Variants in SERTM2 observed in about 807,000 individuals in gnomAD.
SERTM2 encodes serine rich and transmembrane domain containing 2.
intron 2 of SERTM2, among the ~76,000 whole-genome samples, chrX:111,512,352 A>G (rs759804594): frequency 2.7e-5 from 3 of 112,180 alleles, no homozygotes; most frequent in Non-Finnish European, 3.8e-5. Flanking sequence ...ATAAATATAA[A>G]TAGAATGTAT....
At chrX:111,515,682 A>G (rs935990908) in intron 2 of SERTM2, among the ~76,000 whole-genome samples, 9 of 111,757 alleles carry the variant, frequency 8.1e-5, no homozygotes, top group African/African-American at 1.3e-4. Flanking sequence ...AAGTAATATT[A>G]AAGTAGAGCA....
At chrX:111,515,874 T>A (rs978472441) in intron 2 of SERTM2, among the ~76,000 whole-genome samples, 1 of 110,635 alleles carries the variant, frequency 9.0e-6, no homozygotes, top group African/African-American at 3.3e-5. Context: ...TGAAGGCACT[T>A]CCCTTGACCA....
chrX:111,518,891 C>T lies in SERTM2; in HGVS notation c.34C>T (p.Leu12Phe), dbSNP rs184927809. ...MEAHFKYHGN[L>F]TGRAHFPTLA... is the part of the protein sequence containing the mutation. ...GGCGCATTTTAAATACCATGGAAATCTCACTGGGCGTGCCCATTTTCCCAC... is the reference window on the plus strand; with the variant it reads ...GGCGCATTTTAAATACCATGGAAATTTCACTGGGCGTGCCCATTTTCCCAC... The change falls in exon 3 of 3, where the codon CTC (leucine) becomes TTC (phenylalanine). Residue 12 changes from leucine to phenylalanine, a missense_variant. Transcript: ENST00000569275. 190 of 296,069 alleles carry T rather than the reference C, an allele frequency of 6.4e-4. No individual in the cohort carries two copies. Among genetic ancestry groups the T allele is most frequent in the East Asian group, 5.2e-3 (110 of 20,958 alleles). The allele number at this position is 296,069 out of a possible 1,213,427, so 24.4% of individuals were successfully genotyped here. A position where few individuals can be genotyped will look rare whatever the true frequency, so the allele number is the denominator to read the frequency against.
chrX:111,513,577 G>A (rs1485433217), intron 2 of SERTM2, among the ~76,000 whole-genome samples: 2 of 111,647 alleles, frequency 1.8e-5, no homozygotes, highest in African/African-American at 6.5e-5. Context: ...AGAGAGCCAT[G>A]ACAATCCTGT....
At chrX:111,513,630 A>T (rs1303416228) in intron 2 of SERTM2, among the ~76,000 whole-genome samples, 2 of 111,588 alleles carry the variant, frequency 1.8e-5, no homozygotes, top group Non-Finnish European at 3.8e-5. Flanking sequence ...ATAGGACCAG[A>T]GTAACAAAAA....
intron 2 of SERTM2, among the ~76,000 whole-genome samples, chrX:111,513,160 A>G (rs542028004): frequency 1.7e-4 from 18 of 106,221 alleles, no homozygotes; most frequent in African/African-American, 5.5e-4. Context: ...TCTCCCCCTC[A>G]TAATCACTCA....
intron 2 of SERTM2, among the ~76,000 whole-genome samples, chrX:111,514,716 A>G (rs1031619533): frequency 2.7e-5 from 3 of 111,879 alleles, no homozygotes; most frequent in African/African-American, 9.7e-5. Flanking sequence ...CAAAGGCAAC[A>G]TGTAGACTTC....
At position 111,519,239 on chromosome X, in the gene SERTM2, T is replaced by G; in HGVS notation, c.*109T>G. The G allele has an allele frequency of 3.4e-6, 1 of 293,086 alleles. No homozygotes were observed. Among genetic ancestry groups the G allele is most frequent in the Middle Eastern group, 8.9e-4 (1 of 1,119 alleles). The allele number at this position is 293,086 out of a possible 1,213,427, so 24.2% of individuals were successfully genotyped here. A position where few individuals can be genotyped will look rare whatever the true frequency, so the allele number is the denominator to read the frequency against. On this transcript the variant is annotated 3_prime_UTR_variant, in exon 3 of 3. Transcript: ENST00000569275. ...CTTCCCATGTAGGGAATCCACAAGT[T>G]GTTCATTTAACAGCAAGCTGTTCAT...
At chrX:111,513,318 A>C (rs1930260283) in intron 2 of SERTM2, among the ~76,000 whole-genome samples, 1 of 106,807 alleles carries the variant, frequency 9.4e-6, no homozygotes, top group Non-Finnish European at 1.9e-5. Context: ...TCCATTCCTC[A>C]CTCTCCTCCT....
chrX:111,512,194 G>A (rs189385157), intron 2 of SERTM2, 100 bp downstream of exon 2: 3 of 282,820 alleles, frequency 1.1e-5, no homozygotes, highest in African/African-American at 8.3e-5. Flanking sequence ...ATCTGCTGCA[G>A]AAGATACAGC....
In SERTM2 at chrX:111,518,618, G is replaced by A. The variant is rs1930358224; in HGVS notation, c.-240G>A. 1.4e-5 allele frequency: 4 copies of A among 288,428 alleles called. No homozygotes were observed. The highest frequency in any genetic ancestry group is 1.8e-5 in the Non-Finnish European group (3 of 164,704). The allele number at this position is 288,428 out of a possible 1,213,427, so 23.8% of individuals were successfully genotyped here. ...TGTATTTTTAAAAATTGATTAAGAA[G>A]CTCTGATAAAACCTATTGGAGGGGC... is the stretch of plus-strand genomic sequence containing the variant. On this transcript the variant is annotated 5_prime_UTR_variant, in exon 3 of 3. Coordinates refer to ENST00000569275, the MANE Select transcript of SERTM2 (RefSeq NM_001354473.2).
chrX:111,514,284 C>A (rs1000402227), intron 2 of SERTM2, among the ~76,000 whole-genome samples: 4 of 111,596 alleles, frequency 3.6e-5, no homozygotes, highest in African/African-American at 1.3e-4. Context: ...CATACCCATG[C>A]ATTTATTCAA....
Position 111,521,901 on chromosome X carries a change from A to T in SERTM2, c.*2771A>T, listed in dbSNP as rs1198996362. The T allele has an allele frequency of 8.9e-6, 1 of 112,071 alleles. No homozygotes were observed. Among genetic ancestry groups the T allele is most frequent in the African/African-American group, 3.2e-5 (1 of 30,838 alleles). The allele number at this position is 112,071 out of a possible 1,213,427, so 9.2% of individuals were successfully genotyped here. On this transcript the variant is annotated 3_prime_UTR_variant, in exon 3 of 3. Transcript: ENST00000569275. The stretch of plus-strand genomic sequence containing the variant: ...TCTGTAAATAGTAAATTCTCCTAAT[A>T]TGTTTAAAAAGAATCCAATTTTTTA...
rs996776371 is a variant in SERTM2, at chrX:111,518,640, G to T, written c.-218G>T. On this transcript the variant is annotated 5_prime_UTR_variant, in exon 3 of 3. Transcript: ENST00000569275. ...GAAGCTCTGATAAAACCTATTGGAG[G>T]GGCGATTGCTGTGCTGAAGGATAGA... is the stretch of plus-strand genomic sequence containing the variant. 2 of 291,748 alleles carry T rather than the reference G, an allele frequency of 6.9e-6. No individual in the cohort carries two copies. 24.0% of individuals were successfully genotyped at this position (291,748 alleles called of 1,213,427 possible). A position where few individuals can be genotyped will look rare whatever the true frequency, so the allele number is the denominator to read the frequency against.
Position 111,518,606 on chromosome X carries a change from A to C in SERTM2, c.-252A>C, listed in dbSNP as rs1930358003. 3.5e-6 allele frequency: 1 copy of C among 282,511 alleles called. No homozygotes were observed. The highest frequency in any genetic ancestry group is 6.3e-5 in the Admixed American group (1 of 15,828). 23.3% of individuals were successfully genotyped at this position (282,511 alleles called of 1,213,427 possible). A position where few individuals can be genotyped will look rare whatever the true frequency, so the allele number is the denominator to read the frequency against. On this transcript the variant is annotated 5_prime_UTR_variant, in exon 3 of 3. Transcript: ENST00000569275. ...TAAAACATTACTTGTATTTTTAAAA[A>C]TTGATTAAGAAGCTCTGATAAAACC...
rs923358745 is a variant in SERTM2, at chrX:111,522,194, C to T, written c.*3064C>T. On this transcript the variant is annotated 3_prime_UTR_variant, in exon 3 of 3. Transcript: ENST00000569275. ...ATTTCAATGGTTATATTTAGTAATACATTTTATTCACTTGCATTTGTACAA... is the reference window on the plus strand; with the variant it reads ...ATTTCAATGGTTATATTTAGTAATATATTTTATTCACTTGCATTTGTACAA... 2 of 111,738 alleles carry T rather than the reference C, an allele frequency of 1.8e-5. No homozygotes were observed. The highest frequency in any genetic ancestry group is 6.5e-5 in the African/African-American group (2 of 30,770). 9.2% of individuals were successfully genotyped at this position (111,738 alleles called of 1,213,427 possible). A position where few individuals can be genotyped will look rare whatever the true frequency, so the allele number is the denominator to read the frequency against.
intron 2 of SERTM2, among the ~76,000 whole-genome samples, chrX:111,514,537 A>G (rs1201842339): frequency 9.0e-6 from 1 of 111,622 alleles, no homozygotes; most frequent in Non-Finnish European, 1.9e-5. Context: ...TCACCCAGAG[A>G]TGTGTGAAGA....
intron 2 of SERTM2, among the ~76,000 whole-genome samples, chrX:111,512,389 A>T (rs1447143584): frequency 1.8e-5 from 2 of 112,109 alleles, no homozygotes; most frequent in Non-Finnish European, 3.8e-5. Flanking sequence ...ATATCAGTTG[A>T]TAGTTTTGAA....
rs1930394710 is a variant in SERTM2 at position 111,520,509 on chromosome X, G to A, written c.*1379G>A. 8.9e-6 allele frequency: 1 copy of A among 111,995 alleles called. No individual in the cohort carries two copies. The highest frequency in any genetic ancestry group is 1.9e-5 in the Non-Finnish European group (1 of 53,190). 9.2% of individuals were successfully genotyped at this position (111,995 alleles called of 1,213,427 possible). On this transcript the variant is annotated 3_prime_UTR_variant, in exon 3 of 3. Coordinates refer to ENST00000569275, the MANE Select transcript of SERTM2 (RefSeq NM_001354473.2). Reference sequence around the variant, plus strand: ...CAGGAACTGTAATGATGGTAAGAGAGAAATCAAATAGATGTTAGATTAATG... The same window carrying A: ...CAGGAACTGTAATGATGGTAAGAGAAAAATCAAATAGATGTTAGATTAATG...
Sources: gnomAD v4.1 joint callset for allele counts (sites outside exome capture counted in the v4.1 genomes callset) on GRCh38, gnomAD v4.1.1 for gene constraint, MANE v1.5 for transcripts, NCBI Gene and HGNC (gene_info 2026-07-23, HGNC 2026-07-21) for gene names.